MALRD1: variants seen among roughly 807,000 people sequenced by gnomAD.
The protein encoded by MALRD1 is MAM and LDL receptor class A domain containing 1.
In MALRD1, 247 loss-of-function variants were observed where a neutral mutation model predicts 242.1. The observed-to-expected ratio is 1.02, with a 90% CI of 0.92 to 1.13. The LOEUF (loss-of-function observed/expected upper bound fraction) is 1.13, where lower values mean the gene tolerates loss of function less well. Ranked by LOEUF, MALRD1 falls within the 50% of genes most tolerant of loss-of-function variation. MALRD1 has a pLI of 0.00. For synonymous variants in MALRD1, 995 were observed against 866.6 expected (o/e 1.15, Z -2.60); for missense variants, 2,989 against 2,533.1 (o/e 1.18, Z -3.86).
intron 5 of MALRD1, among the ~76,000 whole-genome samples, chr10:19,121,563 A>G (rs1564405038): frequency 6.6e-6 from 1 of 152,150 alleles, no homozygotes; most frequent in Non-Finnish European, 1.5e-5. Flanking sequence ...AGTTTTGGCC[A>G]TTTAGGTCCT....
intron 5 of MALRD1, among the ~76,000 whole-genome samples, chr10:19,109,490 T>C (rs2131349154): frequency 6.6e-6 from 1 of 152,308 alleles, no homozygotes; most frequent in East Asian, 1.9e-4. Context: ...AGACATCTCA[T>C]AAGCTTGGCC....
chr10:19,560,703 A>G (rs965875903), intron 32 of MALRD1, among the ~76,000 whole-genome samples: 2 of 152,142 alleles, frequency 1.3e-5, no homozygotes, highest in African/African-American at 4.8e-5. Context: ...TCAGCAAACT[A>G]ACACAGGAAC....
chr10:19,311,628 T>A (rs1034219757), intron 21 of MALRD1, among the ~76,000 whole-genome samples: 1 of 151,474 alleles, frequency 6.6e-6, no homozygotes, highest in Non-Finnish European at 1.5e-5. Context: ...TTATGAACAA[T>A]CTATATGTCT....
rs1839055526 is a variant in MALRD1 at position 19,614,632 on chromosome 10, A to G, written c.6071-1225A>G. On this transcript the variant is annotated intron_variant, in intron 35 of 39. Coordinates refer to ENST00000454679, the MANE Select transcript of MALRD1 (RefSeq NM_001142308.3). ...AGGCAGTTCATATGAACACAACATC[A>G]GGAGCTAACTGTGCTAACCACTCTC... 1.2e-4 allele frequency among the ~76,000 whole-genome samples: 18 copies of G among 152,030 alleles called. 1 individual carries two copies. The highest frequency in any genetic ancestry group is 1.2e-3 in the Admixed American group (18 of 15,236).
chr10:19,478,343 C>T (rs1476681524), intron 29 of MALRD1, among the ~76,000 whole-genome samples: 8 of 152,234 alleles, frequency 5.3e-5, no homozygotes, highest in Middle Eastern at 3.4e-3. Flanking sequence ...TATATGACGT[C>T]GATGCTTTAT....
chr10:19,352,681 G>A (rs1844443407), intron 26 of MALRD1, among the ~76,000 whole-genome samples: 1 of 152,170 alleles, frequency 6.6e-6, no homozygotes, highest in Non-Finnish European at 1.5e-5. Context: ...AGACATTTTT[G>A]TGGTTATGAT....
intron 5 of MALRD1, among the ~76,000 whole-genome samples, chr10:19,121,646 C>G (rs768613779): frequency 6.6e-6 from 1 of 152,104 alleles, no homozygotes; most frequent in Non-Finnish European, 1.5e-5. Context: ...CAGTATGATT[C>G]CTTAAATAGC....
Position 19,607,832 on chromosome 10 carries a change from C to A in MALRD1, c.6000C>A (p.Ile2000=). Residue 2000 remains isoleucine (I), a synonymous_variant, in exon 35 of 40, where the codon ATC becomes ATA. Coordinates refer to ENST00000454679, the MANE Select transcript of MALRD1 (RefSeq NM_001142308.3). ...ALVCASSNSC[I]PAHQRCDGFA... ...TGTGTGCCTCCTCCAACAGCTGTAT[C>A]CCAGCCCACCAGCGCTGTGATGGTT... 6.5e-7 allele frequency: 1 copy of A among 1,549,724 alleles called. No homozygotes were observed. The highest frequency in any genetic ancestry group is 8.7e-7 in the Non-Finnish European group (1 of 1,146,522).
intron 38 of MALRD1, among the ~76,000 whole-genome samples, chr10:19,717,756 C>T (rs1368342917): frequency 6.6e-6 from 1 of 151,948 alleles, no homozygotes; most frequent in Non-Finnish European, 1.5e-5. Context: ...GTGGCTCACA[C>T]CTACAATCTC....
At chr10:19,722,923 T>C (rs1292524833) in intron 38 of MALRD1, among the ~76,000 whole-genome samples, 1 of 152,154 alleles carries the variant, frequency 6.6e-6, no homozygotes, top group Non-Finnish European at 1.5e-5. Context: ...CATATACTAA[T>C]CAACTTAGTA....
chr10:19,459,379 G>C (rs964271883), intron 29 of MALRD1, among the ~76,000 whole-genome samples: 5 of 152,134 alleles, frequency 3.3e-5, no homozygotes. Context: ...GTCATTGCCA[G>C]TTATAAATCT....
In MALRD1 at chr10:19,048,962, G is replaced by A; in HGVS notation, c.24G>A (p.Met8Ile). 8.1e-6 allele frequency: 10 copies of A among 1,233,904 alleles called. No homozygotes were observed. The highest frequency in any genetic ancestry group is 1.5e-5 in the African/African-American group (1 of 64,616). The allele number at this position is 1,233,904 out of a possible 1,614,324, so 76.4% of individuals were successfully genotyped here. A position where few individuals can be genotyped will look rare whatever the true frequency, so the allele number is the denominator to read the frequency against. ...TAATGCTCTTCTTCCTGGACAGAAT[G>A]TTGGCATTCCCCATGAATGAAACTT... The part of the protein sequence containing the change: MLFFLDR[M>I]LAFPMNETFC... The change falls in exon 1 of 40, where the codon ATG becomes ATA. Residue 8 changes from methionine to isoleucine, a missense_variant. Transcript: ENST00000454679.
At chr10:19,487,921 A>C (rs1421830595) in intron 29 of MALRD1, among the ~76,000 whole-genome samples, 4 of 152,128 alleles carry the variant, frequency 2.6e-5, no homozygotes, top group Non-Finnish European at 4.4e-5. Context: ...GCATAATCCA[A>C]AGACTCTGGA....
intron 2 of MALRD1, among the ~76,000 whole-genome samples, chr10:19,075,759 C>A (rs774395536): frequency 6.6e-6 from 1 of 152,020 alleles, no homozygotes; most frequent in South Asian, 2.1e-4. Context: ...TAAGCCACAC[C>A]GTGCTGGGAC....
chr10:19,357,864 A>T (rs1234430504), intron 26 of MALRD1, among the ~76,000 whole-genome samples: 1 of 152,182 alleles, frequency 6.6e-6, no homozygotes, highest in Non-Finnish European at 1.5e-5. Flanking sequence ...CAAGAGGGGA[A>T]AAATGTATAT....
At position 19,221,524 on chromosome 10, in the gene MALRD1, G is replaced by A. The variant is rs117169905; in HGVS notation, c.2991+11844G>A. Reference sequence around the variant, plus strand: ...TCTTGAGCTGAATTTAAAATGTAACGGCAGTTTATTATGTCACCTGTTCGT... The same window carrying A: ...TCTTGAGCTGAATTTAAAATGTAACAGCAGTTTATTATGTCACCTGTTCGT... On this transcript the variant is annotated intron_variant, in intron 18 of 39. Transcript: ENST00000454679. Among the ~76,000 whole-genome samples, 127 of 152,144 alleles carry A rather than the reference G, an allele frequency of 8.3e-4. 1 individual carries two copies. The East Asian group carries it at 9.5e-3, about 11-fold the overall frequency.
intron 36 of MALRD1, among the ~76,000 whole-genome samples, chr10:19,647,847 C>A (rs367866822): frequency 6.6e-6 from 1 of 152,116 alleles, no homozygotes; most frequent in East Asian, 1.9e-4. Context: ...AGGCAAAATA[C>A]ATGACACAAC....
intron 29 of MALRD1, among the ~76,000 whole-genome samples, chr10:19,455,726 C>A (rs1019166747): frequency 6.6e-6 from 1 of 152,152 alleles, no homozygotes; most frequent in Non-Finnish European, 1.5e-5. Flanking sequence ...ATTTAGAATT[C>A]TATTCTGTTT....
intron 1 of MALRD1, among the ~76,000 whole-genome samples, chr10:19,050,990 G>A (rs1023839246): frequency 3.3e-5 from 5 of 152,170 alleles, no homozygotes; most frequent in African/African-American, 9.7e-5. Context: ...TAGATCTGTC[G>A]AATAAACAGA....
Sources: allele counts gnomAD v4.1 joint callset (sites outside exome capture counted in the v4.1 genomes callset), GRCh38; gene constraint gnomAD v4.1.1; transcripts MANE v1.5; gene names NCBI Gene and HGNC (gene_info 2026-07-23, HGNC 2026-07-21).